Variants in FOXK2 observed in about 807,000 individuals in gnomAD.
FOXK2 encodes forkhead box protein K2.
In FOXK2, 24 loss-of-function variants were observed where a neutral mutation model predicts 53.3. The ratio of observed to expected loss-of-function variants is 0.45; its 90% CI spans 0.33 to 0.63. The LOEUF (loss-of-function observed/expected upper bound fraction) is 0.63. Among genes scored for constraint, FOXK2 ranks in the 30% least tolerant of loss-of-function variants. The pLI is 0.03. For synonymous variants in FOXK2, 505 were observed against 407.1 expected (o/e 1.24, Z -2.89); for missense variants, 952 against 910.5 (o/e 1.05, Z -0.59).
intron 1 of FOXK2, among the ~76,000 whole-genome samples, chr17:82,539,482 A>G (rs937699307): frequency 6.6e-6 from 1 of 151,790 alleles, no homozygotes; most frequent in Admixed American, 6.6e-5. Context: ...CCCTGTCTCT[A>G]CAAAAAAAAT....
intron 4 of FOXK2, among the ~76,000 whole-genome samples, chr17:82,582,356 A>G (rs2045074104): frequency 6.6e-6 from 1 of 152,146 alleles, no homozygotes; most frequent in Admixed American, 6.5e-5. Flanking sequence ...TCTGCCACAG[A>G]GTGAGGTGTC....
chr17:82,569,971 C>T (rs1396855649), intron 3 of FOXK2, among the ~76,000 whole-genome samples: 4 of 152,208 alleles, frequency 2.6e-5, no homozygotes, highest in African/African-American at 4.8e-5. Context: ...CCTGTAATCC[C>T]CAGCACTTTG....
chr17:82,564,834 G>A (rs942618105), intron 2 of FOXK2, among the ~76,000 whole-genome samples: 6 of 151,160 alleles, frequency 4.0e-5, no homozygotes, highest in Non-Finnish European at 7.4e-5. Flanking sequence ...AGGTTCAAGC[G>A]ATTCTCAAGC....
At chr17:82,575,938 C>CG (rs2044977745) in intron 4 of FOXK2, among the ~76,000 whole-genome samples, 1 of 148,002 alleles carries the variant, frequency 6.8e-6, no homozygotes, top group Admixed American at 6.8e-5. Flanking sequence ...GTGGCGGCGG[C>CG]GGGTTCATCC....
chr17:82,593,243 C>T (rs7212388), intron 8 of FOXK2, among the ~76,000 whole-genome samples: 2,595 of 116,860 alleles, frequency 0.022, no homozygotes, highest in African/African-American at 0.03. Context: ...GTGAAGGTCT[C>T]CCTGTGCCAG....
intron 4 of FOXK2, among the ~76,000 whole-genome samples, chr17:82,579,872 A>T (rs1405187840): frequency 5.5e-4 from 41 of 73,994 alleles, no homozygotes; most frequent in South Asian, 1.9e-3. Flanking sequence ...GGCCTAGCCC[A>T]CCTCTCCATG....
intron 1 of FOXK2, among the ~76,000 whole-genome samples, chr17:82,521,106 A>C (rs770778281): frequency 6.6e-6 from 1 of 152,184 alleles, no homozygotes; most frequent in Non-Finnish European, 1.5e-5. Flanking sequence ...GGAAATGCTA[A>C]TTATTCCTCA....
At chr17:82,576,712 C>A in intron 4 of FOXK2, 1 of 1,015,484 alleles carries the variant, frequency 9.8e-7, no homozygotes. Context: ...CCTTCTTTTT[C>A]TGCTCTGTAG....
At chr17:82,537,102 G>T (rs2144063800) in intron 1 of FOXK2, among the ~76,000 whole-genome samples, 1 of 152,258 alleles carries the variant, frequency 6.6e-6, no homozygotes, top group South Asian at 2.1e-4. Context: ...TCTTGCTGCT[G>T]GATCCACTCA....
intron 1 of FOXK2, among the ~76,000 whole-genome samples, chr17:82,523,634 C>T (rs545187287): frequency 9.2e-5 from 14 of 151,860 alleles, no homozygotes; most frequent in Non-Finnish European, 2.1e-4. Flanking sequence ...TACACCACCG[C>T]ACCCAGTTAA....
intron 4 of FOXK2, 48 bp from the exon 5 acceptor site, chr17:82,582,693 C>G: frequency 6.9e-7 from 1 of 1,451,618 alleles, no homozygotes; most frequent in Non-Finnish European, 9.3e-7. Flanking sequence ...ATTTTTATTT[C>G]TCAGCAAATA....
At chr17:82,544,905 G>A (rs980559588) in intron 1 of FOXK2, among the ~76,000 whole-genome samples, 4 of 151,838 alleles carry the variant, frequency 2.6e-5, no homozygotes, top group Admixed American at 1.3e-4. Flanking sequence ...CCCAGGTCCC[G>A]GGGGCGCACC....
chr17:82,568,618 T>G (rs2044878603), intron 3 of FOXK2, among the ~76,000 whole-genome samples: 1 of 152,210 alleles, frequency 6.6e-6, no homozygotes, highest in Admixed American at 6.5e-5. Context: ...CAGCAGTTGT[T>G]GAGAGTCACA....
At chr17:82,579,263 C>T (rs2045028549) in intron 4 of FOXK2, among the ~76,000 whole-genome samples, 1 of 152,180 alleles carries the variant, frequency 6.6e-6, no homozygotes, top group Non-Finnish European at 1.5e-5. Flanking sequence ...AAAGCTTTGC[C>T]TTCTCTGTCT....
In FOXK2 at chr17:82,576,424, A is replaced by C. The variant is rs115501511; in HGVS notation, c.909+4554A>C. On this transcript the variant is annotated intron_variant, in intron 4 of 8. Transcript: ENST00000335255. ...AATACTACGGTTAATGAATACAAGA[A>C]GGTGTTTCAGGAGAAATAGGTCTAG... Among the ~76,000 whole-genome samples, 1,457 of 152,338 alleles carry C rather than the reference A, an allele frequency of 9.6e-3. 16 individuals are homozygous for C. The highest frequency in any genetic ancestry group is 0.033 in the African/African-American group (1,393 of 41,588).
Position 82,588,049 on chromosome 17 carries a change from T to C in FOXK2, c.1786+777T>C, listed in dbSNP as rs555366167. On this transcript the variant is annotated intron_variant, in intron 8 of 8. Coordinates refer to ENST00000335255, the MANE Select transcript of FOXK2 (RefSeq NM_004514.4). ...GGCTTTATCACGACGTTTGAATCCT[T>C]ACCGAACGCTACGAACAGAGACCTT... 4.6e-5 allele frequency among the ~76,000 whole-genome samples: 7 copies of C among 152,300 alleles called. No homozygotes were observed. The South Asian group carries it at 1.2e-3, about 27-fold the overall frequency.
At chr17:82,583,592 CTTATACA>C (rs912419534) in intron 5 of FOXK2, among the ~76,000 whole-genome samples, 5 of 152,318 alleles carry the variant, frequency 3.3e-5, no homozygotes, top group Non-Finnish European at 5.9e-5. Flanking sequence ...TTCGAGTTGA[CTTATACA>C]GTGTTAATTT....
intron 8 of FOXK2, among the ~76,000 whole-genome samples, chr17:82,594,227 G>A (rs1036376274): frequency 8.5e-5 from 13 of 152,184 alleles, no homozygotes; most frequent in African/African-American, 1.2e-4. Context: ...GGCCGGGCAC[G>A]GCGGCTCACA....
intron 8 of FOXK2, among the ~76,000 whole-genome samples, chr17:82,594,547 A>C (rs1016757060): frequency 6.6e-6 from 1 of 150,850 alleles, no homozygotes; most frequent in Non-Finnish European, 1.5e-5. Context: ...AAAATATTGG[A>C]ATTTATGTGG....
Sources: allele counts gnomAD v4.1 joint callset (sites outside exome capture counted in the v4.1 genomes callset), GRCh38; gene constraint gnomAD v4.1.1; transcripts MANE v1.5; gene names NCBI Gene and HGNC (gene_info 2026-07-23, HGNC 2026-07-21).